RASGEF1C: variants seen among roughly 807,000 people sequenced by gnomAD.
RASGEF1C encodes the protein ras-GEF domain-containing family member 1C.
A neutral mutation model predicts 58.1 loss-of-function variants in RASGEF1C; 27 were observed. That is an observed-to-expected ratio of 0.46 (90% CI 0.34 to 0.64). The LOEUF is 0.64. RASGEF1C is among the 30% of genes least tolerant of loss of function. RASGEF1C has a pLI of 0.01. For missense variants in RASGEF1C, 502 were observed against 605.1 expected (o/e 0.83, Z 1.79); for synonymous variants, 243 against 246.3 (o/e 0.99, Z 0.13).
chr5:180,179,444 G>A (rs1767284169), intron 1 of RASGEF1C, among the ~76,000 whole-genome samples: 1 of 152,080 alleles, frequency 6.6e-6, no homozygotes, highest in Non-Finnish European at 1.5e-5. Flanking sequence ...GCAGCCCAGG[G>A]AACCCATGGT....
At chr5:180,121,189 T>G (rs116077474) in intron 6 of RASGEF1C, 40 bp from the exon 7 acceptor site, 1 of 1,395,030 alleles carries the variant, frequency 7.2e-7, no homozygotes, top group African/African-American at 1.4e-5. Context: ...TTCTGAGCCT[T>G]TTTGTCTATC....
chr5:180,136,917 G>GAC, intron 3 of RASGEF1C: 1 of 202,102 alleles, frequency 4.9e-6, no homozygotes. Context: ...ATACGCCAAT[G>GAC]AGGAGACTCA....
chr5:180,118,451 G>T lies in RASGEF1C; in HGVS notation c.1083+158C>A, dbSNP rs531525432. The stretch of plus-strand genomic sequence containing the variant: ...CTGAGGCTGGCTTCCCTCAGGTTTT[G>T]GGAGGTGGTGAGTTCCCCACGCTGG... On this transcript the variant is annotated intron_variant, in intron 10 of 13. Coordinates refer to ENST00000361132, the MANE Select transcript of RASGEF1C (RefSeq NM_175062.4). Among the ~76,000 whole-genome samples the T allele has an allele frequency of 3.3e-5, 5 of 152,288 alleles. No homozygotes were observed. In the East Asian group the frequency reaches 9.7e-4, roughly 29 times the overall value.
intron 1 of RASGEF1C, among the ~76,000 whole-genome samples, chr5:180,188,504 T>G (rs576943524): frequency 9.9e-5 from 15 of 152,138 alleles, no homozygotes; most frequent in African/African-American, 3.6e-4. Flanking sequence ...AAATCCAAAA[T>G]CCATTCCCAA....
chr5:180,149,420 T>C (rs1660819839), intron 1 of RASGEF1C, among the ~76,000 whole-genome samples: 1 of 151,266 alleles, frequency 6.6e-6, no homozygotes, highest in Admixed American at 6.6e-5. Flanking sequence ...GTGGGAAATT[T>C]CTTGATAATC....
chr5:180,136,519 C>CGGGCAAGCGAG lies in RASGEF1C; in HGVS notation c.301-15_301-5dup. On this transcript the variant is annotated splice_region_variant and splice_polypyrimidine_tract_variant and intron_variant, in intron 3 of 13. Coordinates refer to ENST00000361132, the MANE Select transcript of RASGEF1C (RefSeq NM_175062.4). ...GGCCGAACTTCCGGACCCGGGCCTA[C>CGGGCAAGCGAG]GGGCAAGCGAGGGGCACCGCGCTCG... The CGGGCAAGCGAG allele has an allele frequency of 6.4e-7, 1 of 1,570,324 alleles. No individual in the cohort carries two copies. The highest frequency in any genetic ancestry group is 8.6e-7 in the Non-Finnish European group (1 of 1,157,162).
chr5:180,146,114 G>A (rs1460907351), intron 1 of RASGEF1C, among the ~76,000 whole-genome samples: 1 of 152,070 alleles, frequency 6.6e-6, no homozygotes, highest in Non-Finnish European at 1.5e-5. Flanking sequence ...TATCCAAAAA[G>A]TCACTGCCCA....
At chr5:180,174,466 G>A (rs1395015772) in intron 1 of RASGEF1C, among the ~76,000 whole-genome samples, 2 of 113,758 alleles carry the variant, frequency 1.8e-5, no homozygotes, top group East Asian at 5.4e-4. Context: ...GTGCATGTCT[G>A]TGTGTATGTG....
chr5:180,128,541 GC>G lies in RASGEF1C; in HGVS notation c.507del (p.Pro170GlnfsTer39). 2 of 1,614,132 alleles carry G rather than the reference GC, an allele frequency of 1.2e-6. No individual in the cohort carries two copies. The highest frequency in any genetic ancestry group is 2.7e-5 in the African/African-American group (2 of 75,060). ...TTGTCGGCACCCACCAGACCTTCTG[GC>G]CCCTGGCGCAGAGCCGCCAGCTTCT... Reference protein sequence around the residue: ...LHQKLAALRQGPEGLVGADKP... With the variant: ...LHQKLAALRQXPEGLVGADKP... On this transcript the variant is annotated frameshift_variant, in exon 5 of 14. Transcript: ENST00000361132. LOFTEE classifies it high-confidence loss of function.
intron 1 of RASGEF1C, among the ~76,000 whole-genome samples, chr5:180,163,256 G>GTTTTTTTTTTTTTTTTTTTT (rs1766973656): frequency 5.9e-5 from 1 of 17,046 alleles, no homozygotes; most frequent in Admixed American, 4.5e-4. Context: ...TTTTTTTCCA[G>GTTTTTTTTTTTTTTTTTTTT]CCTATTGCAC....
intron 1 of RASGEF1C, among the ~76,000 whole-genome samples, chr5:180,173,887 T>C (rs1043830492): frequency 9.1e-5 from 13 of 142,430 alleles, no homozygotes; most frequent in Non-Finnish European, 1.3e-4. Context: ...CACTCCAGCC[T>C]GGGCAACAGA....
At chr5:180,122,057 A>G (rs1766185372) in intron 6 of RASGEF1C, among the ~76,000 whole-genome samples, 1 of 151,820 alleles carries the variant, frequency 6.6e-6, no homozygotes, top group Admixed American at 6.6e-5. Flanking sequence ...GAGTAACAGC[A>G]CTGTTAGCCA....
At position 180,156,779 on chromosome 5, in the gene RASGEF1C, A is replaced by C. The variant is rs565034905; in HGVS notation, c.-6-18721T>G. Among the ~76,000 whole-genome samples, 142 of 152,320 alleles carry C rather than the reference A, an allele frequency of 9.3e-4. No homozygotes were observed. The highest frequency in any genetic ancestry group is 2.5e-3 in the Admixed American group (38 of 15,294). ...CAGAGTGAGACCCTGTCTCAAAAAA[A>C]AGTAAATAAAATAAAACATACAAAG... On this transcript the variant is annotated intron_variant, in intron 1 of 13. Coordinates refer to ENST00000361132, the MANE Select transcript of RASGEF1C (RefSeq NM_175062.4). This position sits in a 1 kb window ranked among gnomAD's most constrained non-coding sequence, Gnocchi z 4.9.
At chr5:180,141,587 TGAA>T (rs1766580372) in intron 1 of RASGEF1C, among the ~76,000 whole-genome samples, 1 of 152,070 alleles carries the variant, frequency 6.6e-6, no homozygotes, top group Admixed American at 6.6e-5. Flanking sequence ...GTGTCACTTG[TGAA>T]GAAGAAAAGA....
intron 12 of RASGEF1C, among the ~76,000 whole-genome samples, chr5:180,108,238 A>G (rs1582258911): frequency 1.4e-5 from 2 of 141,206 alleles, no homozygotes; most frequent in African/African-American, 5.3e-5. Flanking sequence ...GTCTCACTCC[A>G]TGGCCTAGGC....
intron 1 of RASGEF1C, among the ~76,000 whole-genome samples, chr5:180,191,435 C>T (rs1055730418): frequency 6.6e-6 from 1 of 152,140 alleles, no homozygotes; most frequent in Non-Finnish European, 1.5e-5. Flanking sequence ...CAGCTCACTG[C>T]AAGCTCCGCC....
In RASGEF1C at chr5:180,199,439, A is replaced by G. The variant is rs968136242; in HGVS notation, c.-7+9589T>C. ...AACTAACAACTAAACAAACAACTAA[A>G]CAACTTCCTGACCAAATGACCCGGG... is the stretch of plus-strand genomic sequence containing the variant. On this transcript the variant is annotated intron_variant, in intron 1 of 13. Coordinates refer to ENST00000361132, the MANE Select transcript of RASGEF1C (RefSeq NM_175062.4). 2.0e-5 allele frequency among the ~76,000 whole-genome samples: 3 copies of G among 152,112 alleles called. No homozygotes were observed. The East Asian group carries it at 5.8e-4, about 29-fold the overall frequency.
At chr5:180,105,444 C>T (rs562475930) in intron 12 of RASGEF1C, among the ~76,000 whole-genome samples, 2 of 152,090 alleles carry the variant, frequency 1.3e-5, no homozygotes, top group East Asian at 1.9e-4. Context: ...CGCCTGTAGT[C>T]CCAGCTACTC....
intron 1 of RASGEF1C, among the ~76,000 whole-genome samples, chr5:180,147,972 T>C (rs1199574565): frequency 2.0e-5 from 3 of 152,218 alleles, no homozygotes; most frequent in Non-Finnish European, 4.4e-5. Flanking sequence ...ACTATAGAGC[T>C]GTCCATTTCT....
Sources: allele counts gnomAD v4.1 joint callset (sites outside exome capture counted in the v4.1 genomes callset), GRCh38; gene constraint gnomAD v4.1.1; non-coding constraint Gnocchi (gnomAD v3.1); transcripts MANE v1.5; gene names NCBI Gene and HGNC (gene_info 2026-07-23, HGNC 2026-07-21).